SLC4A8: variants seen among roughly 807,000 people sequenced by gnomAD.
The protein encoded by SLC4A8 is solute carrier family 4 member 8.
In SLC4A8, 40 loss-of-function variants were observed where a neutral mutation model predicts 125.0. The ratio of observed to expected loss-of-function variants is 0.32; its 90% CI spans 0.25 to 0.42. The LOEUF is 0.42. Ranked by LOEUF, SLC4A8 falls within the 10% of genes least tolerant of loss-of-function variation. SLC4A8 has a pLI of 1.00. For missense variants in SLC4A8, 863 were observed against 1,355.1 expected (o/e 0.64, Z 5.70); for synonymous variants, 456 against 476.0 (o/e 0.96, Z 0.55).
intron 18 of SLC4A8, 46 bp from the exon 19 acceptor site, chr12:51,489,654 C>G (rs1459754105): frequency 6.2e-7 from 1 of 1,609,660 alleles, no homozygotes; most frequent in Non-Finnish European, 8.5e-7. Context: ...CTATGCCCTA[C>G]TACAGCTAGC....
In SLC4A8 at chr12:51,473,275, A is replaced by G. The variant is rs527974326; in HGVS notation, c.1905-1067A>G. ...ATGTCCTTATAGTTTTGAATTTTCC[A>G]GAATATCATAGTTGGAATCATACAG... On this transcript the variant is annotated intron_variant, in intron 14 of 24. Coordinates refer to ENST00000453097, the MANE Select transcript of SLC4A8 (RefSeq NM_001039960.3). Among the ~76,000 whole-genome samples, 88 of 152,324 alleles carry G rather than the reference A, an allele frequency of 5.8e-4. 1 individual carries two copies. The highest frequency in any genetic ancestry group is 2.1e-3 in the African/African-American group (87 of 41,562).
In SLC4A8 at chr12:51,450,931, G is replaced by C. The variant is rs1949944947; in HGVS notation, c.186G>C (p.Arg62=). 1.2e-6 allele frequency: 2 copies of C among 1,610,350 alleles called. No homozygotes were observed. Among genetic ancestry groups the C allele is most frequent in the East Asian group, 4.5e-5 (2 of 44,842 alleles). Residue 62 remains arginine, a synonymous_variant, in exon 3 of 25, where the codon CGG becomes CGC. Coordinates refer to ENST00000453097, the MANE Select transcript of SLC4A8 (RefSeq NM_001039960.3). ...TGCCGCTTGGCCGGCAGAGCCATCG[G>C]CATCACCGCACTCATGGCCAGAAGC... ...VRMPLGRQSH[R]HHRTHGQKHR...
chr12:51,450,989 CA>C lies in SLC4A8; in HGVS notation c.245del (p.Gln82ArgfsTer44). 3.8e-6 allele frequency: 6 copies of C among 1,562,790 alleles called. No individual in the cohort carries two copies. Among genetic ancestry groups the C allele is most frequent in the Non-Finnish European group, 5.2e-6 (6 of 1,152,092 alleles). On this transcript the variant is annotated frameshift_variant, in exon 3 of 25. Transcript: ENST00000453097. LOFTEE classifies it high-confidence loss of function. The part of the protein sequence containing the change: ...RRRGRGKGAS[Q>X]GEEGLEALAH... ...ACGAGGGCGGGGCAAAGGAGCCAGCCAGGGGGAGGAAGGCCTGGAAGCCCTG... is the reference window on the plus strand; with the variant it reads ...ACGAGGGCGGGGCAAAGGAGCCAGCCGGGGGAGGAAGGCCTGGAAGCCCTG...
At chr12:51,431,582 C>T (rs1949185814) in intron 1 of SLC4A8, among the ~76,000 whole-genome samples, 2 of 151,958 alleles carry the variant, frequency 1.3e-5, no homozygotes. Flanking sequence ...AAGTCTGGAA[C>T]AGCTGCATGA....
chr12:51,507,715 G>A lies in SLC4A8; in HGVS notation c.*277G>A, dbSNP rs1346162406. 3 of 318,118 alleles carry A rather than the reference G, an allele frequency of 9.4e-6. No individual in the cohort carries two copies. The highest frequency in any genetic ancestry group is 2.1e-5 in the African/African-American group (1 of 46,724). 19.7% of individuals were successfully genotyped at this position (318,118 alleles called of 1,614,324 possible). The stretch of plus-strand genomic sequence containing the variant: ...TCTTCCTTCTTTTTCTCTTTAGAAC[G>A]GCCACCATTGAAGACCTAGCTTCCC... On this transcript the variant is annotated 3_prime_UTR_variant, in exon 25 of 25. Coordinates refer to ENST00000453097, the MANE Select transcript of SLC4A8 (RefSeq NM_001039960.3).
In SLC4A8 at chr12:51,401,155, T is replaced by C. The variant is rs1948383745; in HGVS notation, c.-112+9667T>C. Among the ~76,000 whole-genome samples, 3 of 152,190 alleles carry C rather than the reference T, an allele frequency of 2.0e-5. No individual in the cohort carries two copies. In the South Asian group the frequency reaches 6.2e-4, roughly 32 times the overall value. The stretch of plus-strand genomic sequence containing the variant: ...AGACGGAGCGTTCCTCTGTCGCCAG[T>C]TAGTGTTTACAGCTCCTAGCCCCAG... On this transcript the variant is annotated intron_variant, in intron 1 of 24. Transcript: ENST00000358657.
intron 1 of SLC4A8, among the ~76,000 whole-genome samples, chr12:51,393,151 A>C: frequency 7.1e-6 from 1 of 140,242 alleles, no homozygotes; most frequent in East Asian, 2.1e-4. Flanking sequence ...TTCTTGCTCT[A>C]CTGCCCAGGC....
chr12:51,469,843 C>G (rs768057064), intron 12 of SLC4A8, 55 bp downstream of exon 12: 94 of 1,565,140 alleles, frequency 6.0e-5, no homozygotes, highest in Non-Finnish European at 7.8e-5. Context: ...AATATTGTGG[C>G]GGCAGCCAGG....
At chr12:51,451,586 C>G (rs111240192) in intron 3 of SLC4A8, among the ~76,000 whole-genome samples, 2 of 152,022 alleles carry the variant, frequency 1.3e-5, no homozygotes, top group African/African-American at 2.4e-5. Flanking sequence ...TGCAAACACA[C>G]AGACTTTTTG....
chr12:51,434,247 A>G (rs1300620200), intron 1 of SLC4A8, among the ~76,000 whole-genome samples: 1 of 152,192 alleles, frequency 6.6e-6, no homozygotes, highest in Non-Finnish European at 1.5e-5. Flanking sequence ...TAAAAATTTC[A>G]GTGTGTAGCC....
At chr12:51,424,161 C>G (rs1311847819), upstream of SLC4A8, among the ~76,000 whole-genome samples, 4 of 150,450 alleles carry the variant, frequency 2.7e-5, no homozygotes, top group Non-Finnish European at 4.4e-5. Context: ...TCTTATAAAT[C>G]CAAATCAAAT....
chr12:51,500,452 A>G lies in SLC4A8; in HGVS notation c.3081+3328A>G, dbSNP rs532272237. Among the ~76,000 whole-genome samples, 3 of 152,250 alleles carry G rather than the reference A, an allele frequency of 2.0e-5. No individual in the cohort carries two copies. The East Asian group carries it at 5.8e-4, about 29-fold the overall frequency. On this transcript the variant is annotated intron_variant, in intron 22 of 24. Coordinates refer to ENST00000453097, the MANE Select transcript of SLC4A8 (RefSeq NM_001039960.3). ...TAATTGTGAGTTTGTATTTATATAT[A>G]TAGCACATATATATTCTGATTTTTC...
chr12:51,501,070 C>T (rs1937857511), intron 22 of SLC4A8, among the ~76,000 whole-genome samples: 1 of 152,186 alleles, frequency 6.6e-6, no homozygotes, highest in South Asian at 2.1e-4. Context: ...ACCTCGTGAT[C>T]CGCCCGCCTC....
In SLC4A8 at chr12:51,488,679, T is replaced by C. The variant is rs1173312312; in HGVS notation, c.2287-20T>C. ...ATGACTATAACTTAAAATACAAAAA[T>C]AATATATTTTCCCCCTTAGCCAACA... On this transcript the variant is annotated intron_variant, in intron 17 of 24. Transcript: ENST00000453097. The C allele has an allele frequency of 6.2e-7, 1 of 1,600,794 alleles. No homozygotes were observed. The highest frequency in any genetic ancestry group is 1.7e-5 in the Admixed American group (1 of 59,148).
At chr12:51,424,054 C>CAAAAAAAAAAAAAAAAAAAAAAAAAAA (rs1334821004), upstream of SLC4A8, among the ~76,000 whole-genome samples, 3 of 77,430 alleles carry the variant, frequency 3.9e-5, no homozygotes, top group African/African-American at 4.6e-5. Flanking sequence ...AAAAAAAAAA[C>CAAAAAAAAAAAAAAAAAAAAAAAAAAA]AAAAAAAACA....
At chr12:51,506,642 C>G (rs926061445) in intron 24 of SLC4A8, among the ~76,000 whole-genome samples, 1 of 152,166 alleles carries the variant, frequency 6.6e-6, no homozygotes, top group Non-Finnish European at 1.5e-5. Context: ...CTGTGTTGCC[C>G]AGGCTGGTCT....
chr12:51,439,860 G>A (rs974887231), intron 1 of SLC4A8, among the ~76,000 whole-genome samples: 2 of 152,176 alleles, frequency 1.3e-5, no homozygotes, highest in African/African-American at 2.4e-5. Context: ...AAACAAATGA[G>A]CACAGGGTGT....
chr12:51,432,206 A>G (rs1318982684), intron 1 of SLC4A8, among the ~76,000 whole-genome samples: 1 of 151,786 alleles, frequency 6.6e-6, no homozygotes, highest in African/African-American at 2.4e-5. Flanking sequence ...CAGGAGATCG[A>G]GACCATCCTG....
Position 51,512,418 on chromosome 12 carries a change from A to C in SLC4A8, c.*4980A>C, listed in dbSNP as rs955759631. 2 of 151,966 alleles carry C rather than the reference A, an allele frequency of 1.3e-5. No individual in the cohort carries two copies. The highest frequency in any genetic ancestry group is 4.8e-5 in the African/African-American group (2 of 41,356). 9.4% of individuals were successfully genotyped at this position (151,966 alleles called of 1,614,324 possible). A position where few individuals can be genotyped will look rare whatever the true frequency, so the allele number is the denominator to read the frequency against. ...CCATGCCAACCCTTTTAGGCCATTA[A>C]ATTTTTCTCAAACAATAGCCAGCCT... On this transcript the variant is annotated 3_prime_UTR_variant, in exon 25 of 25. Transcript: ENST00000453097.
Sources: allele counts gnomAD v4.1 joint callset (sites outside exome capture counted in the v4.1 genomes callset), GRCh38; gene constraint gnomAD v4.1.1; transcripts MANE v1.5; gene names NCBI Gene and HGNC (gene_info 2026-07-23, HGNC 2026-07-21).